PLPP5: variants seen among roughly 807,000 people sequenced by gnomAD.
The protein encoded by PLPP5 is diacylglycerol pyrophosphate like 1.
In PLPP5, 29 loss-of-function variants were observed where a neutral mutation model predicts 23.6. That is an observed-to-expected ratio of 1.23 (90% CI 0.92 to 1.68). The LOEUF is 1.68. Ranked by LOEUF, PLPP5 falls within the 40% of genes most tolerant of loss-of-function variation. The pLI is 0.00. For synonymous variants in PLPP5, 143 were observed against 131.3 expected, an observed-to-expected ratio of 1.09 and a Z score of -0.61; for missense variants, 315 against 332.1, an observed-to-expected ratio of 0.95 and a Z score of 0.40.
Position 38,266,218 on chromosome 8 carries a change from C to A in PLPP5, c.557G>T (p.Cys186Phe). The change falls in exon 6 of 7, where the codon TGT becomes TTT. Residue 186 changes from cysteine to phenylalanine, a missense_variant. By Grantham distance (205) the Cys-to-Phe change is radical. Coordinates refer to ENST00000424479, the MANE Select transcript of PLPP5 (RefSeq NM_001102559.2). ...PQGRGKSWRFCAFLSPLLFAA... is the reference protein window; with the variant it reads ...PQGRGKSWRFFAFLSPLLFAA... The stretch of plus-strand genomic sequence containing the variant: ...AAAAAGTAGAGGTGACAGAAAGGCA[C>A]AGAACCTCCAAGATTTCCCACGGCC... The A allele has an allele frequency of 6.2e-7, 1 of 1,613,866 alleles. No homozygotes were observed. The highest frequency in any genetic ancestry group is 8.5e-7 in the Non-Finnish European group (1 of 1,179,858).
At position 38,266,230 on chromosome 8, in the gene PLPP5, G is replaced by T. The variant is rs542608468; in HGVS notation, c.545C>A (p.Ser182Tyr). 1.2e-6 allele frequency: 2 copies of T among 1,613,850 alleles called. No homozygotes were observed. Among genetic ancestry groups the T allele is most frequent in the East Asian group, 4.5e-5 (2 of 44,880 alleles). The change falls in exon 6 of 7, where the codon TCT becomes TAT. Residue 182 changes from serine (S) to tyrosine (Y), a missense_variant. Coordinates refer to ENST00000424479, the MANE Select transcript of PLPP5 (RefSeq NM_001102559.2). ...HCFTPQGRGK[S>Y]WRFCAFLSPL... Reference sequence around the variant, plus strand: ...TGACAGAAAGGCACAGAACCTCCAAGATTTCCCACGGCCTTGTGGTGTGAA... The same window carrying T: ...TGACAGAAAGGCACAGAACCTCCAATATTTCCCACGGCCTTGTGGTGTGAA...
intron 6 of PLPP5, chr8:38,264,992 G>A: frequency 1.4e-6 from 2 of 1,402,380 alleles, no homozygotes; most frequent in Non-Finnish European, 2.0e-6. Context: ...CTTCTCGCCG[G>A]GCACGGTGAC....
chr8:38,269,188 C>T lies in PLPP5; in HGVS notation c.12G>A (p.Ala4=), dbSNP rs1808303138. Residue 4 remains alanine, a synonymous_variant, in exon 1 of 7, where the codon GCG becomes GCA. Coordinates refer to ENST00000424479, the MANE Select transcript of PLPP5 (RefSeq NM_001102559.2). ...CGGCCCCAAAGGCCACCGCCGCCGCCGCCTTCCCCATCCGGCCGCGAGCTC... is the reference window on the plus strand; with the variant it reads ...CGGCCCCAAAGGCCACCGCCGCCGCTGCCTTCCCCATCCGGCCGCGAGCTC... MGK[A]AAAVAFGAEV... The T allele has an allele frequency of 1.0e-5, 15 of 1,502,176 alleles. No individual in the cohort carries two copies. Among genetic ancestry groups the T allele is most frequent in the Non-Finnish European group, 1.3e-5 (15 of 1,133,518 alleles). 93.1% of individuals were successfully genotyped at this position (1,502,176 alleles called of 1,614,324 possible). A position where few individuals can be genotyped will look rare whatever the true frequency, so the allele number is the denominator to read the frequency against.
rs1808212129 is a variant in PLPP5, at chr8:38,268,959, G to C, written c.106C>G (p.Leu36Val). 1.3e-6 allele frequency: 2 copies of C among 1,567,864 alleles called. No homozygotes were observed. Among genetic ancestry groups the C allele is most frequent in the East Asian group, 2.4e-5 (1 of 41,026 alleles). Residue 36 changes from leucine (L) to valine (V), a missense_variant, in exon 2 of 7, where the codon CTC (leucine) becomes GTC (valine). Leu to Val is a conservative substitution (Grantham distance 32). Coordinates refer to ENST00000424479, the MANE Select transcript of PLPP5 (RefSeq NM_001102559.2). ...VTELLPPFQRLIQPEEMWLYR... is the reference protein window; with the variant it reads ...VTELLPPFQRVIQPEEMWLYR... Reference sequence around the variant, plus strand: ...AGCCACATCTCCTCCGGCTGGATGAGTCTCTGGAACGGGGGGAGCAGCTCC... The same window carrying C: ...AGCCACATCTCCTCCGGCTGGATGACTCTCTGGAACGGGGGGAGCAGCTCC...
rs1432007509 is a variant in PLPP5, at chr8:38,269,135, G to A, written c.65C>T (p.Ala22Val). Residue 22 changes from alanine to valine, a missense_variant, in exon 1 of 7, where the codon GCG becomes GTG. Transcript: ENST00000424479. ...CGTGGATCTTTCTTACAGGAAGGCC[G>A]CGAACAGCGCGAGCCGCACGCCCAC... ...AEVGVRLALFAAFLVTELLPP... is the reference protein window; with the variant it reads ...AEVGVRLALFVAFLVTELLPP... 3.3e-6 allele frequency: 5 copies of A among 1,519,920 alleles called. No homozygotes were observed. Among genetic ancestry groups the A allele is most frequent in the Non-Finnish European group, 4.4e-6 (5 of 1,140,690 alleles). The allele number at this position is 1,519,920 out of a possible 1,614,324, so 94.2% of individuals were successfully genotyped here.
intron 6 of PLPP5, 52 bp downstream of exon 6, chr8:38,266,089 G>A (rs141363020): frequency 0.012 from 17,972 of 1,562,114 alleles, 131 homozygotes; most frequent in Non-Finnish European, 0.013. Context: ...TAGGTGCTAG[G>A]AATAAAATGA....
Position 38,268,993 on chromosome 8 carries a change from AGAG to A in PLPP5, c.75-6_75-4del. On this transcript the variant is annotated splice_region_variant and splice_polypyrimidine_tract_variant and intron_variant, in intron 1 of 6. Coordinates refer to ENST00000424479, the MANE Select transcript of PLPP5 (RefSeq NM_001102559.2). ...ACGGGGGGAGCAGCTCCGTCACCCT[AGAG>A]GGGAACAAAGAAGCGCAGAGCAGGT... 1 of 1,579,330 alleles carries A rather than the reference AGAG, an allele frequency of 6.3e-7. No individual in the cohort carries two copies. Among genetic ancestry groups the A allele is most frequent in the Non-Finnish European group, 8.6e-7 (1 of 1,166,990 alleles).
chr8:38,263,182 G>A lies in PLPP5; in HGVS notation c.*1262C>T, dbSNP rs575583218. 3.0e-4 allele frequency: 47 copies of A among 155,912 alleles called. No homozygotes were observed. Among genetic ancestry groups the A allele is most frequent in the Non-Finnish European group, 2.9e-4 (21 of 71,382 alleles). 9.7% of individuals were successfully genotyped at this position (155,912 alleles called of 1,614,324 possible). The stretch of plus-strand genomic sequence containing the variant: ...GGAAAAAGATACATTGAAAATATAG[G>A]AACATACACATAAAAGACAATGTCA... On this transcript the variant is annotated 3_prime_UTR_variant, in exon 7 of 7. Transcript: ENST00000424479.
At chr8:38,264,643 G>C (rs80081744) in intron 6 of PLPP5, 39 bp from the exon 7 acceptor site, 28,254 of 1,543,610 alleles carry the variant, frequency 0.018, 292 homozygotes, top group Non-Finnish European at 0.022. Flanking sequence ...TTAATATTAG[G>C]CTCCTAAATC....
Position 38,268,470 on chromosome 8 carries a change from G to C in PLPP5, c.184-9C>G, listed in dbSNP as rs935151872. ...GAGAGAAATGCAATAACCTGAATCA[G>C]AATGTCAGAGGTTAAAAACAATCCA... On this transcript the variant is annotated splice_polypyrimidine_tract_variant and intron_variant, in intron 2 of 6. Coordinates refer to ENST00000424479, the MANE Select transcript of PLPP5 (RefSeq NM_001102559.2). The C allele has an allele frequency of 1.3e-6, 2 of 1,562,216 alleles. No homozygotes were observed. The highest frequency in any genetic ancestry group is 1.2e-5 in the South Asian group (1 of 84,572).
rs747442250 is a variant in PLPP5 at position 38,266,162 on chromosome 8, CA to C, written c.612del (p.Cys204TrpfsTer11). ...FAAVIALSRT[C>X]DYKHHWQDVL... ...TTACCTTGCCAGTGATGCTTGTAGT[CA>C]CATGTGCGGGACAGTGCAATCACAG... is the stretch of plus-strand genomic sequence containing the variant. On this transcript the variant is annotated frameshift_variant, in exon 6 of 7. Transcript: ENST00000424479. LOFTEE classifies it low-confidence loss of function (END_TRUNC). 1 of 1,613,940 alleles carries C rather than the reference CA, an allele frequency of 6.2e-7. No individual in the cohort carries two copies. Among genetic ancestry groups the C allele is most frequent in the South Asian group, 1.1e-5 (1 of 91,030 alleles).
rs769241097 is a variant in PLPP5 at position 38,268,942 on chromosome 8, C to T, written c.123G>A (p.Glu41=). The T allele has an allele frequency of 1.2e-5, 18 of 1,561,352 alleles. No homozygotes were observed. Among genetic ancestry groups the T allele is most frequent in the South Asian group, 8.2e-5 (7 of 85,516 alleles). Residue 41 remains glutamate, a synonymous_variant, in exon 2 of 7, where the codon GAG becomes GAA. Transcript: ENST00000424479. Reference sequence around the variant, plus strand: ...CGTAGGGGTTCCGGTAGAGCCACATCTCCTCCGGCTGGATGAGTCTCTGGA... The same window carrying T: ...CGTAGGGGTTCCGGTAGAGCCACATTTCCTCCGGCTGGATGAGTCTCTGGA... ...PPFQRLIQPE[E]MWLYRNPYVE...
chr8:38,267,138 C>G lies in PLPP5; in HGVS notation c.463+129G>C, dbSNP rs1807746292. On this transcript the variant is annotated intron_variant, in intron 5 of 6. Coordinates refer to ENST00000424479, the MANE Select transcript of PLPP5 (RefSeq NM_001102559.2). ...TCAGACTTGTTAAACTGTGGAGTTA[C>G]TAAAGAAGGGGGGATTTTCCAAATT... The G allele has an allele frequency of 7.7e-6, 12 of 1,554,920 alleles. No homozygotes were observed. In the South Asian group the frequency reaches 1.3e-4, roughly 17 times the overall value.
In PLPP5 at chr8:38,263,333, C is replaced by G. The variant is rs1807183915; in HGVS notation, c.*1111G>C. On this transcript the variant is annotated 3_prime_UTR_variant, in exon 7 of 7. Transcript: ENST00000424479. Reference sequence around the variant, plus strand: ...AAGGGGCAGAAAAAGATTCATCTGTCCTTCAGATGACGATACCTGTCATTT... The same window carrying G: ...AAGGGGCAGAAAAAGATTCATCTGTGCTTCAGATGACGATACCTGTCATTT... 1 of 949,486 alleles carries G rather than the reference C, an allele frequency of 1.1e-6. No homozygotes were observed. 58.8% of individuals were successfully genotyped at this position (949,486 alleles called of 1,614,324 possible). A position where few individuals can be genotyped will look rare whatever the true frequency, so the allele number is the denominator to read the frequency against.
chr8:38,264,284 A>G lies in PLPP5; in HGVS notation c.*160T>C. ...TACCTCAGCCTCCCAGGTAGCTGGG[A>G]TTACGGCACACAACTCCTGGCTAAT... On this transcript the variant is annotated 3_prime_UTR_variant, in exon 7 of 7. Coordinates refer to ENST00000424479, the MANE Select transcript of PLPP5 (RefSeq NM_001102559.2). 2.8e-6 allele frequency: 2 copies of G among 726,944 alleles called. No individual in the cohort carries two copies. The highest frequency in any genetic ancestry group is 3.9e-6 in the Non-Finnish European group (2 of 510,468). The allele number at this position is 726,944 out of a possible 1,614,324, so 45.0% of individuals were successfully genotyped here.
intron 6 of PLPP5, among the ~76,000 whole-genome samples, chr8:38,265,264 CAAAAA>C (rs1228103198): frequency 1.4e-5 from 1 of 71,010 alleles, no homozygotes; most frequent in Non-Finnish European, 2.7e-5. Flanking sequence ...GACTCTGTCT[CAAAAA>C]AAAAAAAAAA....
chr8:38,264,512 GT>G lies in PLPP5; in HGVS notation c.726del (p.Lys242AsnfsTer26). On this transcript the variant is annotated frameshift_variant, in exon 7 of 7. Coordinates refer to ENST00000424479, the MANE Select transcript of PLPP5 (RefSeq NM_001102559.2). LOFTEE classifies it low-confidence loss of function (END_TRUNC). ...GAAAGTACAAGTTTGTCTTGAAATGGTTTATGGCATTCTGCATCAGTCAGAG... is the reference window on the plus strand; with the variant it reads ...GAAAGTACAAGTTTGTCTTGAAATGGTTATGGCATTCTGCATCAGTCAGAG... ...YPPLTDAECHKPFQDKLVLST... is the reference protein window; with the variant it reads ...YPPLTDAECHXPFQDKLVLST... 6.4e-7 allele frequency: 1 copy of G among 1,559,280 alleles called. No individual in the cohort carries two copies. The highest frequency in any genetic ancestry group is 8.7e-7 in the Non-Finnish European group (1 of 1,150,658).
In PLPP5 at chr8:38,267,335, A is replaced by G. The variant is rs778181016; in HGVS notation, c.395T>C (p.Leu132Ser). ...CFPDGLAHSD[L>S]MCTGDKDVVN... Reference sequence around the variant, plus strand: ...CACGTCCTTATCCCCTGTACACATCAAGTCAGAATGGGCTAGCCCATCAGG... The same window carrying G: ...CACGTCCTTATCCCCTGTACACATCGAGTCAGAATGGGCTAGCCCATCAGG... Residue 132 changes from leucine to serine, a missense_variant, in exon 5 of 7, where the codon TTG becomes TCG. Transcript: ENST00000424479. 3 of 1,614,014 alleles carry G rather than the reference A, an allele frequency of 1.9e-6. No individual in the cohort carries two copies. The highest frequency in any genetic ancestry group is 2.5e-6 in the Non-Finnish European group (3 of 1,179,870).
chr8:38,268,495 A>C, intron 2 of PLPP5, 34 bp from the exon 3 acceptor site: 3 of 1,536,644 alleles, frequency 2.0e-6, no homozygotes, highest in East Asian at 2.5e-5. Flanking sequence ...AAAACAATCC[A>C]AAAAAAAGCC....
Sources: gnomAD v4.1 joint callset for allele counts (sites outside exome capture counted in the v4.1 genomes callset) on GRCh38, gnomAD v4.1.1 for gene constraint, MANE v1.5 for transcripts, NCBI Gene and HGNC (gene_info 2026-07-23, HGNC 2026-07-21) for gene names.